Variants in ANXA2 observed in about 807,000 individuals in gnomAD.
The protein encoded by ANXA2 is annexin II.
In ANXA2, 28 loss-of-function variants were observed where a neutral mutation model predicts 47.3. That is an observed-to-expected ratio of 0.59 (90% confidence interval 0.44 to 0.81). The LOEUF (loss-of-function observed/expected upper bound fraction) is 0.81, where lower values mean the gene tolerates loss of function less well. Ranked by LOEUF, ANXA2 falls within the 40% of genes least tolerant of loss-of-function variation. ANXA2 has a pLI of 0.00. For synonymous variants in ANXA2, 172 were observed against 155.5 expected, an observed-to-expected ratio of 1.11 and a Z score of -0.79; for missense variants, 384 against 414.3, an observed-to-expected ratio of 0.93 and a Z score of 0.64.
chr15:60,376,425 C>A (rs2062780223), intron 3 of ANXA2, among the ~76,000 whole-genome samples: 7 of 151,782 alleles, frequency 4.6e-5, no homozygotes, highest in Admixed American at 4.6e-4. Flanking sequence ...CATAACAGCT[C>A]ACAGGAGAGG....
At chr15:60,366,021 G>GTT (rs1286040976) in intron 3 of ANXA2, among the ~76,000 whole-genome samples, 5 of 133,916 alleles carry the variant, frequency 3.7e-5, no homozygotes, top group Non-Finnish European at 8.1e-5. Context: ...ACTGGTTTTC[G>GTT]TTTTTTTTTG....
intron 3 of ANXA2, among the ~76,000 whole-genome samples, chr15:60,365,172 T>TTA (rs2062577974): frequency 6.6e-6 from 1 of 151,670 alleles, no homozygotes; most frequent in Admixed American, 6.6e-5. Context: ...ATAATTAATT[T>TTA]TATAACTTTA....
At chr15:60,349,364 C>T (rs1023393044) in intron 11 of ANXA2, among the ~76,000 whole-genome samples, 167 bp from the exon 12 acceptor site, 9 of 152,170 alleles carry the variant, frequency 5.9e-5, no homozygotes, top group African/African-American at 2.2e-4. Flanking sequence ...CCACATACAG[C>T]ACTTAACACA....
At chr15:60,355,154 C>T (rs532044880) in intron 7 of ANXA2, among the ~76,000 whole-genome samples, 28 of 152,218 alleles carry the variant, frequency 1.8e-4, no homozygotes, top group African/African-American at 6.5e-4. Flanking sequence ...GAGGACCTTT[C>T]ACAGCAGTTA....
At chr15:60,359,553 A>C (rs1460336934) in intron 5 of ANXA2, among the ~76,000 whole-genome samples, 2 of 152,254 alleles carry the variant, frequency 1.3e-5, no homozygotes, top group African/African-American at 4.8e-5. Flanking sequence ...TAAACTGAGC[A>C]CAGCTTGGGC....
At chr15:60,362,204 A>G (rs2062524634) in intron 4 of ANXA2, among the ~76,000 whole-genome samples, 1 of 152,146 alleles carries the variant, frequency 6.6e-6, no homozygotes, top group Non-Finnish European at 1.5e-5. Flanking sequence ...CCAGTCTCCC[A>G]GTTTGGAACT....
chr15:60,371,992 A>T (rs1230378337), intron 3 of ANXA2, among the ~76,000 whole-genome samples: 3 of 152,136 alleles, frequency 2.0e-5, no homozygotes, highest in African/African-American at 7.2e-5. Flanking sequence ...TCTACTAAAA[A>T]TACAAAATTA....
At chr15:60,359,508 A>G (rs1357387910) in intron 5 of ANXA2, among the ~76,000 whole-genome samples, 1 of 152,228 alleles carries the variant, frequency 6.6e-6, no homozygotes. Flanking sequence ...TCTGCAGTAC[A>G]GTCTACTTAG....
Position 60,370,588 on chromosome 15 carries a change from C to T in ANXA2, c.149-6065G>A, listed in dbSNP as rs2062697920. ...AGGTTGCAAGGGTCATCCGGTTACTCACCATTTCTACCCAGGATGCAACTG... is the reference window on the plus strand; with the variant it reads ...AGGTTGCAAGGGTCATCCGGTTACTTACCATTTCTACCCAGGATGCAACTG... On this transcript the variant is annotated intron_variant, in intron 3 of 12. Transcript: ENST00000451270. Among the ~76,000 whole-genome samples, 4 of 152,296 alleles carry T rather than the reference C, an allele frequency of 2.6e-5. No homozygotes were observed. The South Asian group carries it at 8.3e-4, about 32-fold the overall frequency.
At chr15:60,367,503 G>A (rs2062645655) in intron 3 of ANXA2, among the ~76,000 whole-genome samples, 1 of 46,070 alleles carries the variant, frequency 2.2e-5, no homozygotes, top group East Asian at 6.5e-4. Context: ...CTGCCCGGCC[G>A]CCCCTACTAG....
chr15:60,376,066 AG>A, intron 3 of ANXA2, among the ~76,000 whole-genome samples: 1 of 152,292 alleles, frequency 6.6e-6, no homozygotes, highest in South Asian at 2.1e-4. Context: ...AGGCTGAAGC[AG>A]GGAGGTCCCT....
rs187461672 is a variant in ANXA2 at position 60,390,192 on chromosome 15, T to C, written c.-11-4106A>G. On this transcript the variant is annotated intron_variant, in intron 1 of 12. Coordinates refer to ENST00000451270, the MANE Select transcript of ANXA2 (RefSeq NM_004039.3). Reference sequence around the variant, plus strand: ...AAAAAACAAAACACAAACATCACAATAACCACAAAGTCACACTTACCACAA... The same window carrying C: ...AAAAAACAAAACACAAACATCACAACAACCACAAAGTCACACTTACCACAA... 3.8e-5 allele frequency: 31 copies of C among 812,306 alleles called. No individual in the cohort carries two copies. The East Asian group carries it at 2.5e-3, about 66-fold the overall frequency. The allele number at this position is 812,306 out of a possible 1,614,324, so 50.3% of individuals were successfully genotyped here.
chr15:60,375,486 G>T (rs1380301535), intron 3 of ANXA2, among the ~76,000 whole-genome samples: 1 of 152,046 alleles, frequency 6.6e-6, no homozygotes, highest in African/African-American at 2.4e-5. Context: ...GACCCATATG[G>T]TAAACCATTC....
intron 10 of ANXA2, 79 bp from the exon 11 acceptor site, chr15:60,351,330 T>A: frequency 6.8e-7 from 1 of 1,460,968 alleles, no homozygotes. Context: ...GCCCTGGCCC[T>A]GGGCCACAAA....
chr15:60,389,964 G>A (rs868216996), intron 1 of ANXA2, among the ~76,000 whole-genome samples: 1 of 152,086 alleles, frequency 6.6e-6, no homozygotes, highest in Non-Finnish European at 1.5e-5. Flanking sequence ...TGCCCTACAC[G>A]TGCCAAGTAT....
At chr15:60,347,753 A>T (rs1895787524) in intron 12 of ANXA2, 64 bp from the exon 13 acceptor site, 1 of 1,384,702 alleles carries the variant, frequency 7.2e-7, no homozygotes, top group African/African-American at 1.4e-5. Flanking sequence ...CCTCAATAAC[A>T]CAGAAGTAGC....
chr15:60,377,487 C>T (rs1424806681), intron 3 of ANXA2, among the ~76,000 whole-genome samples: 1 of 152,134 alleles, frequency 6.6e-6, no homozygotes, highest in Non-Finnish European at 1.5e-5. Context: ...GGTTCGGTTC[C>T]AGACCATCAC....
At chr15:60,366,466 T>A (rs1241423090) in intron 3 of ANXA2, among the ~76,000 whole-genome samples, 1 of 147,680 alleles carries the variant, frequency 6.8e-6, no homozygotes, top group Non-Finnish European at 1.5e-5. Flanking sequence ...CCGCCCTGTC[T>A]GGGATGTGAG....
chr15:60,392,202 G>T (rs1190817290), intron 1 of ANXA2, among the ~76,000 whole-genome samples: 1 of 152,160 alleles, frequency 6.6e-6, no homozygotes, highest in Non-Finnish European at 1.5e-5. Flanking sequence ...TGATAAATGA[G>T]ACTGTGAATG....
Sources: gnomAD v4.1 joint callset for allele counts (sites outside exome capture counted in the v4.1 genomes callset) on GRCh38, gnomAD v4.1.1 for gene constraint, MANE v1.5 for transcripts, NCBI Gene and HGNC (gene_info 2026-07-23, HGNC 2026-07-21) for gene names.